Variants in NXN observed in about 807,000 individuals in gnomAD.
NXN encodes nucleoredoxin 1.
NXN carries 16 observed loss-of-function variants against 48.6 expected under a neutral mutation model. The observed-to-expected ratio is 0.33, with a 90% CI of 0.22 to 0.50. NXN has a LOEUF of 0.50. Ranked by LOEUF, NXN falls within the 20% of genes least tolerant of loss-of-function variation. The pLI is 0.98. For missense variants in NXN, 492 were observed against 605.5 expected (o/e 0.81, Z 1.97); for synonymous variants, 281 against 269.6 (o/e 1.04, Z -0.41).
chr17:900,549 G>C (rs2068527975), intron 1 of NXN, among the ~76,000 whole-genome samples: 1 of 152,136 alleles, frequency 6.6e-6, no homozygotes, highest in Non-Finnish European at 1.5e-5. Flanking sequence ...ATGGCATCAG[G>C]ATCCTCCCAG....
chr17:808,036 G>A (rs538962916), intron 5 of NXN, among the ~76,000 whole-genome samples: 9 of 152,316 alleles, frequency 5.9e-5, no homozygotes, highest in South Asian at 4.1e-4. Context: ...GCCAGGCAGT[G>A]GTTACACTGG....
In NXN at chr17:846,429, AAAG is replaced by A. The variant is rs1160809943; in HGVS notation, c.361-20354_361-20352del. On this transcript the variant is annotated intron_variant, in intron 1 of 7. Coordinates refer to ENST00000336868, the MANE Select transcript of NXN (RefSeq NM_022463.5). ...AAATTGTCTCAAAAAAAAAAAAAAAAAAGAAAAGAAAAAAGAAAAAAAATTTTA... is the reference window on the plus strand; with the variant it reads ...AAATTGTCTCAAAAAAAAAAAAAAAAAAAAGAAAAAAGAAAAAAAATTTTA... Among the ~76,000 whole-genome samples, 117 of 148,842 alleles carry A rather than the reference AAAG, an allele frequency of 7.9e-4. 1 individual carries two copies. Among genetic ancestry groups the A allele is most frequent in the Middle Eastern group, 6.9e-3 (2 of 290 alleles).
intron 1 of NXN, among the ~76,000 whole-genome samples, chr17:966,733 T>G (rs1159829852): frequency 6.9e-6 from 1 of 145,326 alleles, no homozygotes; most frequent in Non-Finnish European, 1.5e-5. Flanking sequence ...ACAAAGGAGG[T>G]AGGGCAGCCA....
At chr17:811,355 A>G (rs1911989376) in intron 5 of NXN, among the ~76,000 whole-genome samples, 1 of 152,218 alleles carries the variant, frequency 6.6e-6, no homozygotes. Flanking sequence ...CTCCCTGCAA[A>G]GAGTGCCGTG....
At chr17:812,788 G>T (rs1912187485) in intron 5 of NXN, among the ~76,000 whole-genome samples, 1 of 151,062 alleles carries the variant, frequency 6.6e-6, no homozygotes, top group African/African-American at 2.4e-5. Flanking sequence ...GTGCATGTGT[G>T]TAGGTGTGTG....
chr17:923,730 A>T (rs1171029653), intron 1 of NXN, among the ~76,000 whole-genome samples: 1 of 152,230 alleles, frequency 6.6e-6, no homozygotes, highest in East Asian at 1.9e-4. Context: ...AACATATGTA[A>T]CTAGAAACTT....
chr17:902,259 C>T (rs989399861), intron 1 of NXN, among the ~76,000 whole-genome samples: 2 of 152,220 alleles, frequency 1.3e-5, no homozygotes, highest in East Asian at 1.9e-4. Context: ...CATAAGCCAA[C>T]GCTCGCTCTG....
chr17:947,577 A>G (rs1340555182), intron 1 of NXN, among the ~76,000 whole-genome samples: 1 of 151,970 alleles, frequency 6.6e-6, no homozygotes, highest in African/African-American at 2.4e-5. Flanking sequence ...AACTAAAAAT[A>G]CAAAAATTAG....
rs1177347421 is a variant in NXN, at chr17:979,693, G to C, written c.-15C>G. 7.1e-7 allele frequency: 1 copy of C among 1,413,068 alleles called. No individual in the cohort carries two copies. The highest frequency in any genetic ancestry group is 1.4e-5 in the South Asian group (1 of 70,200). The allele number at this position is 1,413,068 out of a possible 1,614,324, so 87.5% of individuals were successfully genotyped here. A position where few individuals can be genotyped will look rare whatever the true frequency, so the allele number is the denominator to read the frequency against. On this transcript the variant is annotated 5_prime_UTR_variant, in exon 1 of 8. Coordinates refer to ENST00000336868, the MANE Select transcript of NXN (RefSeq NM_022463.5). Reference sequence around the variant, plus strand: ...AAGCCCGACATCCTGGCCCACCGCAGGGCGGGCAGGCGGCTGCGACCCCGC... The same window carrying C: ...AAGCCCGACATCCTGGCCCACCGCACGGCGGGCAGGCGGCTGCGACCCCGC...
At chr17:846,869 G>A (rs1267248231) in intron 1 of NXN, among the ~76,000 whole-genome samples, 1 of 150,300 alleles carries the variant, frequency 6.7e-6, no homozygotes, top group Non-Finnish European at 1.5e-5. Flanking sequence ...AAAAATGGTG[G>A]GGGTGGAGGG....
chr17:915,226 A>G (rs11657023), intron 1 of NXN, among the ~76,000 whole-genome samples: 100,297 of 152,034 alleles, frequency 0.66, 33,206 homozygotes, highest in South Asian at 0.7. Flanking sequence ...GAGCCACTGC[A>G]CCCGGCCAGT....
chr17:920,066 A>ATG lies in NXN; in HGVS notation c.360+59251_360+59252dup, dbSNP rs1269123793. Among the ~76,000 whole-genome samples the ATG allele has an allele frequency of 6.6e-6, 1 of 151,886 alleles. No homozygotes were observed. The highest frequency in any genetic ancestry group is 2.4e-5 in the African/African-American group (1 of 41,376). On this transcript the variant is annotated intron_variant, in intron 1 of 7. Coordinates refer to ENST00000336868, the MANE Select transcript of NXN (RefSeq NM_022463.5). This position sits in a 1 kb window ranked among gnomAD's most constrained non-coding sequence, Gnocchi z 4.6. ...CTCTTCGAGCCACCACGCGGTGCAA[A>ATG]TGTTTGTATTTTTGGTGGAGACAAG...
chr17:970,723 T>C (rs1031117199), intron 1 of NXN, among the ~76,000 whole-genome samples: 2 of 152,210 alleles, frequency 1.3e-5, no homozygotes, highest in African/African-American at 2.4e-5. Context: ...AGCCAAGCTC[T>C]TTCATCCAAC....
chr17:856,592 G>A lies in NXN; in HGVS notation c.361-30514C>T, dbSNP rs2067989182. 2.7e-5 allele frequency among the ~76,000 whole-genome samples: 4 copies of A among 150,202 alleles called. No homozygotes were observed. In the South Asian group the frequency reaches 8.5e-4, roughly 32 times the overall value. On this transcript the variant is annotated intron_variant, in intron 1 of 7. Coordinates refer to ENST00000336868, the MANE Select transcript of NXN (RefSeq NM_022463.5). ...CGCAACCTCCGCCTCCCGGGTTCAA[G>A]TGAGTCTCCTGCCTCAGCCTCCCGA...
At chr17:972,415 T>C (rs1418979886) in intron 1 of NXN, among the ~76,000 whole-genome samples, 1 of 151,502 alleles carries the variant, frequency 6.6e-6, no homozygotes, top group Non-Finnish European at 1.5e-5. Context: ...AGGCGGAGGT[T>C]GCAGTGAGCC....
At chr17:813,026 C>T (rs1486178788) in intron 5 of NXN, among the ~76,000 whole-genome samples, 5 of 151,420 alleles carry the variant, frequency 3.3e-5, no homozygotes, top group Non-Finnish European at 5.9e-5. Flanking sequence ...TGTGTGCACG[C>T]GTGTGTGAAT....
intron 1 of NXN, among the ~76,000 whole-genome samples, chr17:947,319 A>C (rs970131395): frequency 1.3e-5 from 2 of 152,158 alleles, no homozygotes; most frequent in African/African-American, 4.8e-5. Context: ...TCACTTTCCT[A>C]AATATTATGG....
In NXN at chr17:800,888, GA is replaced by G; in HGVS notation, c.*60del. ...CGCTGGGTAAGTCCAAGGGCGGAAG[GA>G]AGGAGGGGGAGGAGGAGAAGGCTGA... On this transcript the variant is annotated 3_prime_UTR_variant, in exon 8 of 8. Coordinates refer to ENST00000336868, the MANE Select transcript of NXN (RefSeq NM_022463.5). 8.1e-6 allele frequency: 10 copies of G among 1,231,264 alleles called. No homozygotes were observed. Among genetic ancestry groups the G allele is most frequent in the Non-Finnish European group, 1.1e-5 (10 of 930,054 alleles). The allele number at this position is 1,231,264 out of a possible 1,614,324, so 76.3% of individuals were successfully genotyped here. A position where few individuals can be genotyped will look rare whatever the true frequency, so the allele number is the denominator to read the frequency against.
At chr17:934,359 T>C (rs1234573327) in intron 1 of NXN, among the ~76,000 whole-genome samples, 8 of 151,312 alleles carry the variant, frequency 5.3e-5, no homozygotes, top group African/African-American at 1.9e-4. Flanking sequence ...GGCAGGAGAA[T>C]TGCGTGAACC....
Sources: gnomAD v4.1 joint callset for allele counts (sites outside exome capture counted in the v4.1 genomes callset) on GRCh38, gnomAD v4.1.1 for gene constraint, Gnocchi (gnomAD v3.1) non-coding constraint, MANE v1.5 for transcripts, NCBI Gene and HGNC (gene_info 2026-07-23, HGNC 2026-07-21) for gene names.